The following NPAT variants were observed in gnomAD, a reference collection of about 807,000 sequenced individuals.
NPAT encodes the protein protein NPAT.
NPAT carries 52 observed loss-of-function variants against 130.7 expected under a neutral mutation model. The ratio of observed to expected loss-of-function variants is 0.40; its 90% CI spans 0.32 to 0.50. NPAT has a LOEUF of 0.50. Ranked by LOEUF, NPAT falls within the 20% of genes least tolerant of loss-of-function variation. NPAT has a pLI of 0.68. For missense variants in NPAT, 1,687 were observed against 1,662.6 expected, an observed-to-expected ratio of 1.01 and a Z score of -0.26; for synonymous variants, 580 against 584.8, an observed-to-expected ratio of 0.99 and a Z score of 0.12.
intron 1 of NPAT, among the ~76,000 whole-genome samples, chr11:108,199,261 C>T (rs1176219687): frequency 2.0e-5 from 3 of 152,188 alleles, no homozygotes; most frequent in East Asian, 1.9e-4. Flanking sequence ...ACCCAGACGC[C>T]GGCTCCCAAG....
At chr11:108,219,623 C>T (rs1565332061) in intron 1 of NPAT, among the ~76,000 whole-genome samples, 1 of 152,036 alleles carries the variant, frequency 6.6e-6, no homozygotes, top group African/African-American at 2.4e-5. Context: ...AAACAAAAAA[C>T]CAAGTAAGTT....
At chr11:108,160,837 G>GA (rs533408029) in intron 17 of NPAT, 43 bp downstream of exon 17, 42 of 1,551,584 alleles carry the variant, frequency 2.7e-5, no homozygotes, top group South Asian at 3.4e-5. Context: ...CACTAAAGCG[G>GA]AAAAAAAAGG....
In NPAT at chr11:108,173,340, A is replaced by T; in HGVS notation, c.1644T>A (p.Ser548Arg). ...TATCATTAGAATTTTCACAAAATTG[A>T]CTTTTTTTAGATGGCTTTCCAGTTA... ...TSLTGKPSKK[S>R]QFCENSNDTV... Residue 548 changes from serine to arginine, a missense_variant, in exon 13 of 18, where the codon AGT (serine) becomes AGA (arginine). Coordinates refer to ENST00000278612, the MANE Select transcript of NPAT (RefSeq NM_002519.3). 1 of 1,613,226 alleles carries T rather than the reference A, an allele frequency of 6.2e-7. No homozygotes were observed. The highest frequency in any genetic ancestry group is 1.1e-5 in the South Asian group (1 of 91,040).
At chr11:108,191,554 G>A (rs2078169603) in intron 4 of NPAT, among the ~76,000 whole-genome samples, 1 of 152,204 alleles carries the variant, frequency 6.6e-6, no homozygotes, top group Non-Finnish European at 1.5e-5. Context: ...ATTTTAGCAG[G>A]TTAAGCAGAG....
intron 1 of NPAT, among the ~76,000 whole-genome samples, chr11:108,220,700 A>G (rs1465207191): frequency 1.3e-5 from 2 of 152,224 alleles, no homozygotes; most frequent in Non-Finnish European, 2.9e-5. Context: ...TAAACGACAA[A>G]AGTAAGAGCA....
chr11:108,211,661 GAATAAA>G (rs1159069571), intron 1 of NPAT, among the ~76,000 whole-genome samples: 1 of 152,136 alleles, frequency 6.6e-6, no homozygotes, highest in African/African-American at 2.4e-5. Context: ...AAGGTTGGTT[GAATAAA>G]AATAAATCAG....
intron 1 of NPAT, among the ~76,000 whole-genome samples, chr11:108,200,944 C>T (rs1201517945): frequency 6.6e-6 from 1 of 152,222 alleles, no homozygotes; most frequent in Admixed American, 6.5e-5. Context: ...ATCCATCCAA[C>T]CAGACCACAA....
At chr11:108,191,245 G>T (rs905853564) in intron 4 of NPAT, among the ~76,000 whole-genome samples, 8 of 152,006 alleles carry the variant, frequency 5.3e-5, no homozygotes, top group Admixed American at 2.6e-4. Flanking sequence ...TCCCCAAGTT[G>T]ATGTCAGAGG....
intron 1 of NPAT, among the ~76,000 whole-genome samples, chr11:108,213,261 GA>G (rs1210895692): frequency 1.1e-4 from 17 of 152,072 alleles, no homozygotes; most frequent in Non-Finnish European, 1.9e-4. Context: ...CAACAAGAGC[GA>G]AACTCTGTCC....
intron 2 of NPAT, among the ~76,000 whole-genome samples, chr11:108,194,728 T>C (rs759700119): frequency 3.9e-5 from 6 of 152,178 alleles, no homozygotes; most frequent in Non-Finnish European, 7.3e-5. Context: ...CAGCTTACTA[T>C]AGCCTCGAAC....
chr11:108,202,042 A>T (rs945638478), intron 1 of NPAT, among the ~76,000 whole-genome samples: 3 of 152,202 alleles, frequency 2.0e-5, no homozygotes, highest in African/African-American at 7.2e-5. Context: ...CTCCTCAGGC[A>T]CAAGTGATCA....
rs756730434 is a variant in NPAT at position 108,173,881 on chromosome 11, T to C, written c.1133-30A>G. 36 of 1,580,940 alleles carry C rather than the reference T, an allele frequency of 2.3e-5. No homozygotes were observed. In the Admixed American group the frequency reaches 3.8e-4, roughly 17 times the overall value. ...AAAGTATCAGGCAGGTAGACAGATA[T>C]GGTAAATATGTTCAGCTTCTGAGGT... On this transcript the variant is annotated intron_variant, in intron 12 of 17. Transcript: ENST00000278612.
rs1475641605 is a variant in NPAT at position 108,160,829 on chromosome 11, C to G, written c.4206+51G>C. On this transcript the variant is annotated intron_variant, in intron 17 of 17. Transcript: ENST00000278612. ...CAAGAACTGCTGAATTCGCTAATCACTAAAGCGGAAAAAAAAGGTGTGGTT... is the reference window on the plus strand; with the variant it reads ...CAAGAACTGCTGAATTCGCTAATCAGTAAAGCGGAAAAAAAAGGTGTGGTT... 6 of 1,527,488 alleles carry G rather than the reference C, an allele frequency of 3.9e-6. No individual in the cohort carries two copies. In the Admixed American group the frequency reaches 1.1e-4, roughly 29 times the overall value. The allele number at this position is 1,527,488 out of a possible 1,614,324, so 94.6% of individuals were successfully genotyped here. A position where few individuals can be genotyped will look rare whatever the true frequency, so the allele number is the denominator to read the frequency against.
At chr11:108,162,452 A>T (rs940919644) in intron 15 of NPAT, among the ~76,000 whole-genome samples, 1 of 152,188 alleles carries the variant, frequency 6.6e-6, no homozygotes, top group Non-Finnish European at 1.5e-5. Context: ...TTTTTCTGAG[A>T]CAGAGTCATG....
chr11:108,200,462 C>T (rs969442535), intron 1 of NPAT, among the ~76,000 whole-genome samples: 12 of 152,168 alleles, frequency 7.9e-5, no homozygotes, highest in Admixed American at 7.9e-4. Flanking sequence ...CTTATGGCTC[C>T]AGGACAGACT....
At position 108,222,355 on chromosome 11, in the gene NPAT, G is replaced by A. The variant is rs2078528009; in HGVS notation, c.37+145C>T. 1.9e-5 allele frequency: 16 copies of A among 837,964 alleles called. No individual in the cohort carries two copies. In the South Asian group the frequency reaches 2.2e-4, roughly 11 times the overall value. 51.9% of individuals were successfully genotyped at this position (837,964 alleles called of 1,614,324 possible). A position where few individuals can be genotyped will look rare whatever the true frequency, so the allele number is the denominator to read the frequency against. On this transcript the variant is annotated intron_variant, in intron 1 of 17. Transcript: ENST00000278612. ...CTTAAACTGCCCAGAACCTCCGAAT[G>A]ACGAAGAATCACCGCCAGTCTCAAC...
In NPAT at chr11:108,158,957, C is replaced by T. The variant is rs550347845; in HGVS notation, c.4269G>A (p.Leu1423=). The stretch of plus-strand genomic sequence containing the variant: ...TCCAGAATGTTTACTCATCATAATG[C>T]AATGATAACAAAAATTTGTCTACAT... ...GMDVDKFLLS[L]HYDE The change falls in exon 18 of 18, where the codon TTG becomes TTA. Residue 1423 remains leucine, a synonymous_variant. Transcript: ENST00000278612. 9 of 1,598,878 alleles carry T rather than the reference C, an allele frequency of 5.6e-6. No individual in the cohort carries two copies. Among genetic ancestry groups the T allele is most frequent in the African/African-American group, 5.4e-5 (4 of 74,712 alleles).
intron 2 of NPAT, among the ~76,000 whole-genome samples, chr11:108,196,025 TG>T (rs1377851830): frequency 5.3e-5 from 8 of 152,228 alleles, no homozygotes; most frequent in Admixed American, 3.3e-4. Flanking sequence ...ATGCTTTTGG[TG>T]TCATATATAA....
intron 1 of NPAT, among the ~76,000 whole-genome samples, chr11:108,211,006 G>A (rs907455022): frequency 6.6e-6 from 1 of 151,676 alleles, no homozygotes; most frequent in African/African-American, 2.4e-5. Flanking sequence ...GGATCATGAG[G>A]TCAGGAGATT....
Sources: gnomAD v4.1 joint callset for allele counts (sites outside exome capture counted in the v4.1 genomes callset) on GRCh38, gnomAD v4.1.1 for gene constraint, MANE v1.5 for transcripts, NCBI Gene and HGNC (gene_info 2026-07-23, HGNC 2026-07-21) for gene names.